The following RNF145 variants were observed in gnomAD, a reference collection of about 807,000 sequenced individuals.
RNF145 encodes ring finger protein 145.
Under a neutral mutation model 57.3 loss-of-function variants are expected in RNF145, and 12 were observed. The ratio of observed to expected loss-of-function variants is 0.21; its 90% confidence interval spans 0.13 to 0.34. The LOEUF is 0.34. Ranked by LOEUF, RNF145 falls within the 10% of genes least tolerant of loss-of-function variation. The pLI, the probability that RNF145 is intolerant of heterozygous loss-of-function variation, is 1.00. For synonymous variants in RNF145, 262 were observed against 288.3 expected (o/e 0.91, Z 0.92); for missense variants, 429 against 799.0 (o/e 0.54, Z 5.58).
At chr5:159,208,184 C>G in intron 1 of RNF145, 1 of 1,359,576 alleles carries the variant, frequency 7.4e-7, no homozygotes, top group East Asian at 2.9e-5. Flanking sequence ...CAACCCAGCT[C>G]GCGGCAAGCA....
At chr5:159,192,426 T>C (rs1455682511) in intron 3 of RNF145, among the ~76,000 whole-genome samples, 2 of 152,214 alleles carry the variant, frequency 1.3e-5, no homozygotes, top group Non-Finnish European at 2.9e-5. Context: ...GAATTGTAGC[T>C]ATAATAAAAG....
rs1786024384 is a variant in RNF145 at position 159,209,396 on chromosome 5, C to T, written c.-205G>A. The T allele has an allele frequency of 2.0e-6, 2 of 984,414 alleles. No individual in the cohort carries two copies. The highest frequency in any genetic ancestry group is 9.1e-5 in the South Asian group (2 of 21,998). The allele number at this position is 984,414 out of a possible 1,614,324, so 61.0% of individuals were successfully genotyped here. A position where few individuals can be genotyped will look rare whatever the true frequency, so the allele number is the denominator to read the frequency against. ...CTGCGCCGAGCCTCGGATGTTGCTT[C>T]TGGGGAGGCGGAGGCAGCGGCAGCG... On this transcript the variant is annotated 5_prime_UTR_variant, in exon 1 of 11. Coordinates refer to ENST00000424310, the MANE Select transcript of RNF145 (RefSeq NM_001199383.2).
intron 2 of RNF145, among the ~76,000 whole-genome samples, chr5:159,201,818 T>C (rs1288519089): frequency 1.3e-5 from 2 of 152,176 alleles, no homozygotes; most frequent in Admixed American, 6.5e-5. Flanking sequence ...ACTCAGCGAA[T>C]GAGTAACAGA....
At chr5:159,210,030 GAGTA>G, upstream of RNF145, 5 of 731,798 alleles carry the variant, frequency 6.8e-6, no homozygotes, top group Non-Finnish European at 1.2e-5. Flanking sequence ...AACCCCTGTG[GAGTA>G]AGTGACTGGA....
intron 4 of RNF145, among the ~76,000 whole-genome samples, chr5:159,179,134 T>C (rs1020091798): frequency 2.0e-5 from 3 of 152,058 alleles, no homozygotes; most frequent in African/African-American, 4.8e-5. Context: ...CTTAAGTCTA[T>C]GCCAGCACAT....
chr5:159,209,769 C>T (rs1786049509), upstream of RNF145: 1 of 1,349,436 alleles, frequency 7.4e-7, no homozygotes, highest in Non-Finnish European at 1.0e-6. Flanking sequence ...CACCTGGACG[C>T]GCACTGTGAC....
At chr5:159,165,217 C>G (rs549093809) in intron 8 of RNF145, among the ~76,000 whole-genome samples, 1 of 152,200 alleles carries the variant, frequency 6.6e-6, no homozygotes, top group South Asian at 2.1e-4. Flanking sequence ...CCACATCTAA[C>G]GACAGGGGCA....
rs6556405 is a variant in RNF145, at chr5:159,208,094, T to C, written c.-40+1137A>G. On this transcript the variant is annotated intron_variant, in intron 1 of 10. Transcript: ENST00000424310. ...CCACTAATCTTTGATGCCTGCTCAC[T>C]GCACAGGCCCCTTCCTCTCTCCCCG... 0.3 allele frequency: 432,522 copies of C among 1,461,686 alleles called. 70,922 individuals are homozygous for C. Among genetic ancestry groups the C allele is most frequent in the African/African-American group, 0.6 (42,647 of 70,492 alleles). 90.5% of individuals were successfully genotyped at this position (1,461,686 alleles called of 1,614,324 possible).
chr5:159,209,767 C>A, upstream of RNF145: 1 of 1,334,734 alleles, frequency 7.5e-7, no homozygotes. Context: ...GACACCTGGA[C>A]GCGCACTGTG....
intron 7 of RNF145, among the ~76,000 whole-genome samples, chr5:159,169,378 A>C (rs1287810484): frequency 1.3e-5 from 2 of 152,234 alleles, no homozygotes; most frequent in African/African-American, 4.8e-5. Flanking sequence ...TATAGAAATC[A>C]GATTTTAACA....
chr5:159,203,165 A>G (rs989077944), intron 2 of RNF145, among the ~76,000 whole-genome samples: 1 of 152,202 alleles, frequency 6.6e-6, no homozygotes, highest in Non-Finnish European at 1.5e-5. Flanking sequence ...CTCATTGTTT[A>G]TATTTCATCA....
chr5:159,165,957 T>C (rs1171504709), intron 8 of RNF145, among the ~76,000 whole-genome samples: 1 of 152,200 alleles, frequency 6.6e-6, no homozygotes, highest in Non-Finnish European at 1.5e-5. Context: ...ACTGTACACA[T>C]GCAAGAGTCT....
At chr5:159,159,446 C>T (rs1784142910) in intron 10 of RNF145, among the ~76,000 whole-genome samples, 1 of 152,160 alleles carries the variant, frequency 6.6e-6, no homozygotes, top group African/African-American at 2.4e-5. Flanking sequence ...TTCAACACAG[C>T]TGAACAGTTT....
chr5:159,196,059 C>T (rs1407507998), intron 2 of RNF145, among the ~76,000 whole-genome samples: 1 of 152,100 alleles, frequency 6.6e-6, no homozygotes, highest in African/African-American at 2.4e-5. Context: ...TGTCCCATAT[C>T]CTAATCTGCT....
Position 159,169,134 on chromosome 5 carries a change from C to T in RNF145, c.939-79G>A. ...TTCAAAGAGAAAAATAATCCAAAGG[C>T]TTAGACTCTTGTTACATATTTTTAA... is the stretch of plus-strand genomic sequence containing the variant. On this transcript the variant is annotated intron_variant, in intron 7 of 10. Coordinates refer to ENST00000424310, the MANE Select transcript of RNF145 (RefSeq NM_001199383.2). The T allele has an allele frequency of 3.6e-6, 4 of 1,124,372 alleles. No individual in the cohort carries two copies. In the South Asian group the frequency reaches 7.5e-5, roughly 21 times the overall value. 69.6% of individuals were successfully genotyped at this position (1,124,372 alleles called of 1,614,324 possible).
At chr5:159,195,812 G>A (rs1272790490) in intron 2 of RNF145, among the ~76,000 whole-genome samples, 2 of 152,100 alleles carry the variant, frequency 1.3e-5, no homozygotes, top group African/African-American at 4.8e-5. Context: ...TTATTATACA[G>A]GCAAAAACAT....
chr5:159,175,173 A>G (rs1303151257), intron 5 of RNF145, among the ~76,000 whole-genome samples: 2 of 152,144 alleles, frequency 1.3e-5, no homozygotes, highest in African/African-American at 4.8e-5. Flanking sequence ...ATTAACTTCT[A>G]TTTTCCCCAG....
At chr5:159,196,825 C>T (rs1211081126) in intron 2 of RNF145, among the ~76,000 whole-genome samples, 9 of 152,202 alleles carry the variant, frequency 5.9e-5, no homozygotes, top group African/African-American at 2.2e-4. Context: ...ATGTCTATTA[C>T]ATGAAACTTC....
intron 8 of RNF145, among the ~76,000 whole-genome samples, chr5:159,164,126 C>T (rs1299037867): frequency 1.3e-5 from 2 of 152,026 alleles, no homozygotes; most frequent in East Asian, 1.9e-4. Flanking sequence ...AAATGCTATA[C>T]AGTGTGGTCC....
Sources: allele counts gnomAD v4.1 joint callset (sites outside exome capture counted in the v4.1 genomes callset), GRCh38; gene constraint gnomAD v4.1.1; transcripts MANE v1.5; gene names NCBI Gene and HGNC (gene_info 2026-07-23, HGNC 2026-07-21).